The following SCHIP1 variants were observed in gnomAD, a reference collection of about 807,000 sequenced individuals.
SCHIP1 encodes schwannomin-interacting protein 1.
A neutral mutation model predicts 29.7 loss-of-function variants in SCHIP1; 8 were observed. The observed-to-expected ratio is 0.27, with a 90% CI of 0.16 to 0.49. SCHIP1 has a LOEUF of 0.49. Ranked by LOEUF, SCHIP1 falls within the 20% of genes least tolerant of loss-of-function variation. SCHIP1 has a pLI of 0.99. For synonymous variants in SCHIP1, 76 were observed against 94.9 expected, an observed-to-expected ratio of 0.80 and a Z score of 1.16; for missense variants, 193 against 294.6, an observed-to-expected ratio of 0.66 and a Z score of 2.52.
At chr3:159,619,356 C>T in the SCHIP1 span, among the ~76,000 whole-genome samples, 1 of 152,310 alleles carries the variant, frequency 6.6e-6, no homozygotes, top group African/African-American at 2.4e-5. Context: ...CTTTCAGCTG[C>T]AGACGTGCAT....
chr3:159,538,206 G>T, the SCHIP1 span, among the ~76,000 whole-genome samples: 1 of 151,868 alleles, frequency 6.6e-6, no homozygotes, highest in African/African-American at 2.4e-5. Context: ...TAAGAAAAGT[G>T]GGGGAGAAGT....
the SCHIP1 span, among the ~76,000 whole-genome samples, chr3:159,478,963 T>G: frequency 6.6e-6 from 1 of 152,062 alleles, no homozygotes; most frequent in African/African-American, 2.4e-5. Flanking sequence ...TCTGGTGGAG[T>G]CTTTAGGGTT....
the SCHIP1 span, among the ~76,000 whole-genome samples, chr3:159,337,044 A>T: frequency 6.6e-6 from 1 of 152,194 alleles, no homozygotes; most frequent in Non-Finnish European, 1.5e-5. Context: ...CTGGTTCAAC[A>T]TACGCAAATC....
chr3:159,680,516 A>AT, the SCHIP1 span, among the ~76,000 whole-genome samples: 151 of 124,352 alleles, frequency 1.2e-3, no homozygotes, highest in Non-Finnish European at 2.0e-3. Context: ...TCAAAAAAAA[A>AT]ATATATATAT....
At chr3:159,623,106 G>A in the SCHIP1 span, among the ~76,000 whole-genome samples, 1 of 152,088 alleles carries the variant, frequency 6.6e-6, no homozygotes, top group Non-Finnish European at 1.5e-5. Context: ...ATGATCCTCA[G>A]GCAACAGAAA....
the SCHIP1 span, among the ~76,000 whole-genome samples, chr3:159,313,991 CAT>C: frequency 1.3e-5 from 2 of 152,172 alleles, no homozygotes; most frequent in Non-Finnish European, 2.9e-5. Flanking sequence ...TAAGGAGCCA[CAT>C]GATATTACCC....
the SCHIP1 span, among the ~76,000 whole-genome samples, chr3:159,585,150 G>A: frequency 6.6e-6 from 1 of 151,652 alleles, no homozygotes; most frequent in Non-Finnish European, 1.5e-5. Context: ...CTGTATACTA[G>A]ATAATTGACT....
the SCHIP1 span, among the ~76,000 whole-genome samples, chr3:159,548,569 A>T: frequency 2.1e-4 from 32 of 151,916 alleles, no homozygotes; most frequent in African/African-American, 7.2e-4. Flanking sequence ...ATACTGTCTC[A>T]CAGATCTCTG....
the SCHIP1 span, among the ~76,000 whole-genome samples, chr3:159,761,993 G>A: frequency 6.6e-6 from 1 of 152,152 alleles, no homozygotes; most frequent in East Asian, 1.9e-4. Flanking sequence ...TCCTGCCACA[G>A]AGCAGGGAGC....
At chr3:159,620,435 G>A in the SCHIP1 span, among the ~76,000 whole-genome samples, 3 of 152,210 alleles carry the variant, frequency 2.0e-5, no homozygotes, top group Admixed American at 6.5e-5. Flanking sequence ...TCATCTGGAA[G>A]CTATGACATG....
At chr3:159,811,525 A>G in the SCHIP1 span, among the ~76,000 whole-genome samples, 1 of 152,234 alleles carries the variant, frequency 6.6e-6, no homozygotes, top group African/African-American at 2.4e-5. Flanking sequence ...TCCCAGCACC[A>G]TCTGTTGAAA....
At chr3:159,858,360 T>C (rs547822464) in intron 1 of SCHIP1, among the ~76,000 whole-genome samples, 1 of 152,344 alleles carries the variant, frequency 6.6e-6, no homozygotes, top group East Asian at 1.9e-4. Flanking sequence ...TAGCCATCTT[T>C]GTAGATTGCA....
chr3:159,529,927 G>A, the SCHIP1 span, among the ~76,000 whole-genome samples: 1 of 152,152 alleles, frequency 6.6e-6, no homozygotes, highest in Non-Finnish European at 1.5e-5. Context: ...TGCTGCAAAT[G>A]ACAAGATTTC....
the SCHIP1 span, among the ~76,000 whole-genome samples, chr3:159,723,373 AT>A: frequency 2.0e-5 from 3 of 152,096 alleles, no homozygotes; most frequent in Non-Finnish European, 4.4e-5. Flanking sequence ...GATACTATAT[AT>A]TTTTTGCAAT....
chr3:159,784,388 A>G, the SCHIP1 span, among the ~76,000 whole-genome samples: 1 of 152,224 alleles, frequency 6.6e-6, no homozygotes, highest in Non-Finnish European at 1.5e-5. Flanking sequence ...CCTTCTCTGC[A>G]GTTTTTCTTT....
At chr3:159,406,062 A>G in the SCHIP1 span, among the ~76,000 whole-genome samples, 1 of 151,856 alleles carries the variant, frequency 6.6e-6, no homozygotes, top group Non-Finnish European at 1.5e-5. Flanking sequence ...AGTTTATTCA[A>G]AGGGATAACA....
At chr3:159,572,146 T>C in the SCHIP1 span, among the ~76,000 whole-genome samples, 3 of 152,206 alleles carry the variant, frequency 2.0e-5, no homozygotes, top group African/African-American at 7.2e-5. Flanking sequence ...CTGATCTTAG[T>C]TATTTCTTGC....
At chr3:159,727,234 G>A in the SCHIP1 span, among the ~76,000 whole-genome samples, 162 of 152,266 alleles carry the variant, frequency 1.1e-3, 1 homozygote, top group African/African-American at 2.9e-3. Flanking sequence ...CAAGAATTCC[G>A]AGTTTTTTCC....
At chr3:159,501,555 C>T in the SCHIP1 span, among the ~76,000 whole-genome samples, 1 of 152,166 alleles carries the variant, frequency 6.6e-6, no homozygotes, top group African/African-American at 2.4e-5. Flanking sequence ...TAATAACTCA[C>T]ATGGTATTCT....
Sources: allele counts gnomAD v4.1 joint callset (sites outside exome capture counted in the v4.1 genomes callset), GRCh38; gene constraint gnomAD v4.1.1; transcripts MANE v1.5; gene names NCBI Gene and HGNC (gene_info 2026-07-23, HGNC 2026-07-21).